The following NCEH1 variants were observed in gnomAD, a reference collection of about 807,000 sequenced individuals.
The protein encoded by NCEH1 is 2-acetyl MAGE hydrolase.
Under a neutral mutation model 25.4 loss-of-function variants are expected in NCEH1, and 9 were observed. The ratio of observed to expected loss-of-function variants is 0.35; its 90% CI spans 0.21 to 0.62. The LOEUF (loss-of-function observed/expected upper bound fraction) is 0.62. NCEH1 is among the 20% of genes least tolerant of loss of function. The probability of loss-of-function intolerance (pLI) is 0.72; values close to 1 mark genes in which losing one functional copy is unlikely to be tolerated. For synonymous variants in NCEH1, 200 were observed against 199.8 expected (o/e 1.00, Z -0.01); for missense variants, 412 against 501.1 (o/e 0.82, Z 1.70).
chr3:172,709,527 G>C (rs546060842), intron 1 of NCEH1, among the ~76,000 whole-genome samples: 55 of 152,276 alleles, frequency 3.6e-4, no homozygotes, highest in African/African-American at 1.2e-3. Flanking sequence ...GGAAAAGAAG[G>C]GGGGCAGGGG....
intron 1 of NCEH1, among the ~76,000 whole-genome samples, chr3:172,679,599 A>G (rs934780012): frequency 6.6e-6 from 1 of 151,490 alleles, no homozygotes. Context: ...GGTTATTAAC[A>G]CATTATTTTA....
Position 172,644,615 on chromosome 3 carries a change from C to CT in NCEH1, c.437+1007dup, listed in dbSNP as rs999668464. ...ATCTGGCCTTATGCACATCACTTAG[C>CT]TTCTTGGGTCTCAATTTCCTCACTT... On this transcript the variant is annotated intron_variant, in intron 3 of 4. Coordinates refer to ENST00000475381, the MANE Select transcript of NCEH1 (RefSeq NM_020792.6). Among the ~76,000 whole-genome samples, 3 of 152,332 alleles carry CT rather than the reference C, an allele frequency of 2.0e-5. No homozygotes were observed. The South Asian group carries it at 6.2e-4, about 32-fold the overall frequency.
chr3:172,648,107 A>G lies in NCEH1; in HGVS notation c.146T>C (p.Leu49Pro). The change falls in exon 2 of 5, where the codon CTG becomes CCG. Residue 49 changes from leucine to proline, a missense_variant. Coordinates refer to ENST00000475381, the MANE Select transcript of NCEH1 (RefSeq NM_020792.6). ...ATGGCTCAGTCCCAGGTAGTGGATC[A>G]GGTTACTCTGCAGGGCGAGGGAGGA... Reference protein sequence around the residue: ...TFRGAQQVSNLIHYLGLSHHL... With the variant: ...TFRGAQQVSNPIHYLGLSHHL... 6.2e-7 allele frequency: 1 copy of G among 1,614,130 alleles called. No individual in the cohort carries two copies. Among genetic ancestry groups the G allele is most frequent in the Non-Finnish European group, 8.5e-7 (1 of 1,180,000 alleles).
At chr3:172,637,507 CT>C (rs1364630820) in intron 3 of NCEH1, among the ~76,000 whole-genome samples, 3 of 152,098 alleles carry the variant, frequency 2.0e-5, no homozygotes, top group African/African-American at 7.2e-5. Flanking sequence ...AATCCCAGCA[CT>C]TTGGGAGGCT....
intron 3 of NCEH1, among the ~76,000 whole-genome samples, chr3:172,637,970 C>T (rs893754752): frequency 1.3e-5 from 2 of 152,016 alleles, no homozygotes; most frequent in African/African-American, 2.4e-5. Context: ...TCACTTGAAC[C>T]CAGGAAGTGG....
At chr3:172,693,713 T>C (rs1217658768) in intron 1 of NCEH1, among the ~76,000 whole-genome samples, 2 of 152,172 alleles carry the variant, frequency 1.3e-5, no homozygotes, top group Non-Finnish European at 2.9e-5. Context: ...TTAAGCTTCA[T>C]TTAATTGAAC....
intron 1 of NCEH1, among the ~76,000 whole-genome samples, chr3:172,688,839 T>C (rs1310566532): frequency 2.0e-5 from 3 of 152,150 alleles, no homozygotes; most frequent in South Asian, 2.1e-4. Flanking sequence ...CTCTTGGTGG[T>C]AACTTACAGA....
intron 1 of NCEH1, 25 bp downstream of exon 1, chr3:172,710,822 G>C (rs753247654): frequency 6.2e-7 from 1 of 1,612,208 alleles, no homozygotes; most frequent in Non-Finnish European, 8.5e-7. Context: ...GAGGAAGAGA[G>C]AAGCAGCGCT....
chr3:172,658,840 CTTTTTTT>C lies in NCEH1; in HGVS notation c.139-10733_139-10727del, dbSNP rs33955977. Among the ~76,000 whole-genome samples, 36 of 74,220 alleles carry C rather than the reference CTTTTTTT, an allele frequency of 4.9e-4. No homozygotes were observed. The South Asian group carries it at 0.012, about 24-fold the overall frequency. The allele number at this position is 74,220 out of a possible 152,430, so 48.7% of individuals were successfully genotyped here. A position where few individuals can be genotyped will look rare whatever the true frequency, so the allele number is the denominator to read the frequency against. On this transcript the variant is annotated intron_variant, in intron 1 of 4. Transcript: ENST00000475381. ...AGGTTGTCTCTTTCCAATTCCAAAA[CTTTTTTT>C]TTTTTTTTTTTTTTTTTTTTTTACT...
chr3:172,637,758 G>C (rs190914330), intron 3 of NCEH1, among the ~76,000 whole-genome samples: 1 of 152,128 alleles, frequency 6.6e-6, no homozygotes, highest in Admixed American at 6.5e-5. Flanking sequence ...GCACGGTCGT[G>C]GGCGCCTGTA....
chr3:172,690,049 G>A (rs896571066), intron 1 of NCEH1, among the ~76,000 whole-genome samples: 5 of 151,316 alleles, frequency 3.3e-5, no homozygotes, highest in African/African-American at 9.7e-5. Context: ...GACTACAGGC[G>A]CCCGCCACCA....
chr3:172,700,188 C>A (rs1713603877), intron 1 of NCEH1, among the ~76,000 whole-genome samples: 1 of 152,190 alleles, frequency 6.6e-6, no homozygotes, highest in Middle Eastern at 3.2e-3. Context: ...TCAGAGTTGG[C>A]ATTCTATTTG....
chr3:172,702,254 G>A lies in NCEH1; in HGVS notation c.138+8593C>T, dbSNP rs532321519. ...TGTATTACCATGGGCTAAACTAATT[G>A]AACACAAAGCACATAGCACAGTATC... On this transcript the variant is annotated intron_variant, in intron 1 of 4. Coordinates refer to ENST00000475381, the MANE Select transcript of NCEH1 (RefSeq NM_020792.6). 3.9e-5 allele frequency among the ~76,000 whole-genome samples: 6 copies of A among 152,252 alleles called. No individual in the cohort carries two copies. The South Asian group carries it at 1.2e-3, about 32-fold the overall frequency.
rs777303345 is a variant in NCEH1, at chr3:172,633,658, A to G, written c.1044T>C (p.Asp348=). Residue 348 remains aspartate (D), a synonymous_variant, in exon 5 of 5, where the codon GAT becomes GAC. Coordinates refer to ENST00000475381, the MANE Select transcript of NCEH1 (RefSeq NM_020792.6). ...ACATGATGCCATCGTCTCTGAGGAC[A>G]TCATGCTCACACGTCAGAATGTAGG... ...PKTYILTCEH[D]VLRDDGIMYA... 3.1e-6 allele frequency: 5 copies of G among 1,614,086 alleles called. No homozygotes were observed. The East Asian group carries it at 8.9e-5, about 29-fold the overall frequency.
chr3:172,675,349 G>T (rs1434623328), intron 1 of NCEH1, among the ~76,000 whole-genome samples: 1 of 139,890 alleles, frequency 7.1e-6, no homozygotes, highest in Non-Finnish European at 1.5e-5. Flanking sequence ...AAATGATTTT[G>T]TGAGTTGATG....
chr3:172,705,217 C>G (rs1713908790), intron 1 of NCEH1, among the ~76,000 whole-genome samples: 1 of 152,124 alleles, frequency 6.6e-6, no homozygotes, highest in African/African-American at 2.4e-5. Flanking sequence ...CTATGTTGCC[C>G]AGGCTGCTCT....
intron 4 of NCEH1, 65 bp downstream of exon 4, chr3:172,635,851 T>C: frequency 2.0e-6 from 3 of 1,469,482 alleles, no homozygotes; most frequent in Non-Finnish European, 2.8e-6. Flanking sequence ...ATGGAGGGTG[T>C]GTTGGTCTGC....
chr3:172,705,735 G>A (rs564640819), intron 1 of NCEH1, among the ~76,000 whole-genome samples: 10 of 152,206 alleles, frequency 6.6e-5, no homozygotes, highest in African/African-American at 2.2e-4. Flanking sequence ...GGTGGCTCAC[G>A]CCTGTAATCC....
intron 2 of NCEH1, among the ~76,000 whole-genome samples, chr3:172,646,476 A>C (rs1352853935): frequency 6.6e-6 from 1 of 152,246 alleles, no homozygotes; most frequent in Non-Finnish European, 1.5e-5. Context: ...CTAGAATTTT[A>C]GGAAGTCTTA....
Sources: allele counts gnomAD v4.1 joint callset (sites outside exome capture counted in the v4.1 genomes callset), GRCh38; gene constraint gnomAD v4.1.1; transcripts MANE v1.5; gene names NCBI Gene and HGNC (gene_info 2026-07-23, HGNC 2026-07-21).